Variants in ARHGAP6 observed in about 807,000 individuals in gnomAD.
ARHGAP6 encodes the protein Rho GTPase activating protein 6, also known as rho GTPase-activating protein 6.
A neutral mutation model predicts 55.7 loss-of-function variants in ARHGAP6; 16 were observed. The ratio of observed to expected loss-of-function variants is 0.29; its 90% confidence interval spans 0.19 to 0.44. The LOEUF (loss-of-function observed/expected upper bound fraction) is 0.44. Among genes scored for constraint, ARHGAP6 ranks in the 20% least tolerant of loss-of-function variants. The pLI is 1.00. For synonymous variants in ARHGAP6, 382 were observed against 360.9 expected (o/e 1.06, Z -0.66); for missense variants, 698 against 808.9 (o/e 0.86, Z 1.66).
At chrX:11,163,144 GACTCA>G (rs1351485999) in intron 9 of ARHGAP6, among the ~76,000 whole-genome samples, 1 of 111,827 alleles carries the variant, frequency 8.9e-6, no homozygotes, top group Non-Finnish European at 1.9e-5. Context: ...TTTATCTGGA[GACTCA>G]ACTCCTTAGA....
At chrX:11,169,456 A>G (rs967223010) in intron 9 of ARHGAP6, 49 bp downstream of exon 9, 3 of 1,113,012 alleles carry the variant, frequency 2.7e-6, no homozygotes, top group Non-Finnish European at 2.4e-6. Flanking sequence ...CTCCAGAGGA[A>G]ACCAATAGGC....
intron 1 of ARHGAP6, among the ~76,000 whole-genome samples, chrX:11,387,194 C>T (rs1321739792): frequency 8.9e-6 from 1 of 112,086 alleles, no homozygotes; most frequent in Non-Finnish European, 1.9e-5. Context: ...CCCTATCTAC[C>T]TACATCAGTG....
intron 1 of ARHGAP6, among the ~76,000 whole-genome samples, chrX:11,273,414 T>A (rs866167485): frequency 1.9e-4 from 19 of 101,439 alleles, no homozygotes; most frequent in African/African-American, 5.7e-4. Flanking sequence ...ATTTCATTTG[T>A]AAAAAAAAAA....
intron 1 of ARHGAP6, chrX:11,290,313 T>C (rs1321016084): frequency 6.6e-6 from 2 of 300,928 alleles, no homozygotes; most frequent in Non-Finnish European, 1.3e-5. Flanking sequence ...CACATTTATC[T>C]AGCACCTACT....
At chrX:11,486,677 TCATGAGGAGGG>T (rs2050513973) in intron 1 of ARHGAP6, among the ~76,000 whole-genome samples, 1 of 111,320 alleles carries the variant, frequency 9.0e-6, no homozygotes, top group South Asian at 3.8e-4. Flanking sequence ...GTATCAAGTA[TCATGAGGAGGG>T]CATTCACTCA....
At chrX:11,204,809 G>T (rs1167348035) in intron 2 of ARHGAP6, among the ~76,000 whole-genome samples, 4 of 111,386 alleles carry the variant, frequency 3.6e-5, no homozygotes, top group African/African-American at 1.3e-4. Flanking sequence ...CATTTAATTG[G>T]TAAAAAACTC....
chrX:11,664,244 G>C lies in ARHGAP6; in HGVS notation c.585C>G (p.Ser195=), dbSNP rs149384053. The part of the protein sequence containing the change: ...SRGHPYVVWK[S]EGDFTWNSMS... ...GACGCGCAGCGCTGGTCCCTACCTCGGATTTCCACACGACGTAGGGGTGCC... is the reference window on the plus strand; with the variant it reads ...GACGCGCAGCGCTGGTCCCTACCTCCGATTTCCACACGACGTAGGGGTGCC... Residue 195 remains serine, a synonymous_variant, in exon 1 of 13, where the codon TCC becomes TCG. Coordinates refer to ENST00000337414, the MANE Select transcript of ARHGAP6 (RefSeq NM_013427.3). 8.3e-6 allele frequency: 10 copies of C among 1,201,264 alleles called. No individual in the cohort carries two copies. Among genetic ancestry groups the C allele is most frequent in the Non-Finnish European group, 1.0e-5 (9 of 889,971 alleles).
chrX:11,443,954 CAA>C (rs61018477), intron 1 of ARHGAP6, among the ~76,000 whole-genome samples: 148 of 102,512 alleles, frequency 1.4e-3, no homozygotes, highest in African/African-American at 5.1e-3. Flanking sequence ...AAAAGAAAAC[CAA>C]AAAAAAAAAA....
chrX:11,533,530 A>G (rs943183517), intron 1 of ARHGAP6, among the ~76,000 whole-genome samples: 8 of 112,544 alleles, frequency 7.1e-5, no homozygotes, highest in Admixed American at 1.9e-4. Context: ...AGAAAAAGAT[A>G]CAAATCAGAA....
intron 1 of ARHGAP6, among the ~76,000 whole-genome samples, chrX:11,652,849 T>C (rs1474566315): frequency 8.9e-6 from 1 of 112,202 alleles, no homozygotes; most frequent in Non-Finnish European, 1.9e-5. Context: ...ATGTTTGGAA[T>C]AGACAGAAGA....
At chrX:11,228,512 G>A (rs1247823570) in intron 2 of ARHGAP6, among the ~76,000 whole-genome samples, 1 of 111,594 alleles carries the variant, frequency 9.0e-6, no homozygotes, top group Non-Finnish European at 1.9e-5. Context: ...GAGTATTGAG[G>A]ACTTGGAAGA....
intron 11 of ARHGAP6, chrX:11,143,568 T>G: frequency 1.1e-6 from 1 of 890,448 alleles, no homozygotes. Context: ...TCTTCATACA[T>G]ATAGTAGGTT....
At chrX:11,506,251 T>C (rs1433282217) in intron 1 of ARHGAP6, among the ~76,000 whole-genome samples, 3 of 111,093 alleles carry the variant, frequency 2.7e-5, no homozygotes. Context: ...GTCTCCTTTT[T>C]TATATATACT....
intron 1 of ARHGAP6, among the ~76,000 whole-genome samples, chrX:11,393,980 C>T (rs1422938416): frequency 9.0e-6 from 1 of 111,527 alleles, no homozygotes; most frequent in Non-Finnish European, 1.9e-5. Flanking sequence ...CTTACACCCT[C>T]ATAAATAGCT....
chrX:11,488,893 C>A (rs1244803870), intron 1 of ARHGAP6, among the ~76,000 whole-genome samples: 1 of 111,655 alleles, frequency 9.0e-6, no homozygotes, highest in Non-Finnish European at 1.9e-5. Context: ...TTGGGGACCG[C>A]TGGTCTACAC....
chrX:11,608,239 A>G (rs1417085585), intron 1 of ARHGAP6, among the ~76,000 whole-genome samples: 1 of 112,173 alleles, frequency 8.9e-6, no homozygotes, highest in East Asian at 2.8e-4. Flanking sequence ...AATAAATTTA[A>G]GTAATGGAAT....
intron 8 of ARHGAP6, 83 bp downstream of exon 8, chrX:11,178,017 C>A (rs2046257801): frequency 2.8e-5 from 32 of 1,153,261 alleles, no homozygotes; most frequent in Non-Finnish European, 3.8e-5. Flanking sequence ...TACCTCCAGG[C>A]AAAATGGCCA....
At chrX:11,284,572 A>C (rs1394947890) in intron 1 of ARHGAP6, among the ~76,000 whole-genome samples, 1 of 112,040 alleles carries the variant, frequency 8.9e-6, no homozygotes, top group Non-Finnish European at 1.9e-5. Context: ...TTGGAACACC[A>C]AAGTATCAAA....
chrX:11,607,093 A>G (rs2052044298), intron 1 of ARHGAP6, among the ~76,000 whole-genome samples: 1 of 112,400 alleles, frequency 8.9e-6, no homozygotes, highest in African/African-American at 3.2e-5. Flanking sequence ...TATTGGAAAC[A>G]TCTTCATTGT....
Sources: gnomAD v4.1 joint callset for allele counts (sites outside exome capture counted in the v4.1 genomes callset) on GRCh38, gnomAD v4.1.1 for gene constraint, MANE v1.5 for transcripts, NCBI Gene and HGNC (gene_info 2026-07-23, HGNC 2026-07-21) for gene names.